MAN1A1: variants seen among roughly 807,000 people sequenced by gnomAD.
The protein encoded by MAN1A1 is mannosidase alpha class 1A member 1, also known as mannosyl-oligosaccharide 1,2-alpha-mannosidase IA.
Under a neutral mutation model 70.8 loss-of-function variants are expected in MAN1A1, and 29 were observed. The ratio of observed to expected loss-of-function variants is 0.41; its 90% CI spans 0.31 to 0.56. MAN1A1 has a LOEUF of 0.56. Ranked by LOEUF, MAN1A1 falls within the 20% of genes least tolerant of loss-of-function variation. MAN1A1 has a pLI of 0.29. For missense variants in MAN1A1, 747 were observed against 841.3 expected, an observed-to-expected ratio of 0.89 and a Z score of 1.39; for synonymous variants, 349 against 330.1, an observed-to-expected ratio of 1.06 and a Z score of -0.62.
chr6:119,252,097 T>C (rs1402939915), intron 5 of MAN1A1, among the ~76,000 whole-genome samples: 1 of 152,190 alleles, frequency 6.6e-6, no homozygotes, highest in Non-Finnish European at 1.5e-5. Context: ...ATAACTCCAC[T>C]AGATACGATC....
intron 4 of MAN1A1, among the ~76,000 whole-genome samples, chr6:119,301,070 T>G (rs6934220): frequency 0.38 from 57,147 of 151,708 alleles, 11,176 homozygotes; most frequent in Non-Finnish European, 0.41. Flanking sequence ...TTGTCCACTT[T>G]CAACACACAG....
At chr6:119,333,329 T>C (rs549593026) in intron 2 of MAN1A1, among the ~76,000 whole-genome samples, 2 of 152,160 alleles carry the variant, frequency 1.3e-5, no homozygotes, top group Admixed American at 6.5e-5. Context: ...CCAGTGGTAA[T>C]GTATGGAATT....
intron 5 of MAN1A1, among the ~76,000 whole-genome samples, chr6:119,256,547 T>C (rs1384527574): frequency 6.6e-6 from 1 of 152,040 alleles, no homozygotes; most frequent in African/African-American, 2.4e-5. Context: ...GTTCAGGGCA[T>C]GGATATCACC....
intron 5 of MAN1A1, among the ~76,000 whole-genome samples, chr6:119,252,520 A>C (rs1033262250): frequency 6.6e-6 from 1 of 152,190 alleles, no homozygotes; most frequent in Non-Finnish European, 1.5e-5. Context: ...GTGGCTGGGC[A>C]CGGGGGCTCA....
chr6:119,314,185 G>C (rs893346635), intron 2 of MAN1A1, among the ~76,000 whole-genome samples: 19 of 152,320 alleles, frequency 1.2e-4, no homozygotes, highest in Admixed American at 1.2e-3. Context: ...TTCCCGGACT[G>C]CTCTGGTAGC....
chr6:119,331,570 C>CATATATATAGATATAT (rs1473149807), intron 2 of MAN1A1, among the ~76,000 whole-genome samples: 1 of 117,972 alleles, frequency 8.5e-6, no homozygotes, highest in African/African-American at 3.1e-5. Context: ...ACATATTATG[C>CATATATATAGATATAT]ATATATATAT....
At chr6:119,219,679 A>G (rs758368307) in intron 6 of MAN1A1, among the ~76,000 whole-genome samples, 7 of 152,076 alleles carry the variant, frequency 4.6e-5, no homozygotes, top group Non-Finnish European at 1.0e-4. Context: ...TTGTAACACA[A>G]GTAGTAATGA....
chr6:119,348,816 C>T lies in MAN1A1; in HGVS notation c.250G>A (p.Ala84Thr). The T allele has an allele frequency of 6.9e-7, 1 of 1,455,198 alleles. No homozygotes were observed. Among genetic ancestry groups the T allele is most frequent in the African/African-American group, 1.4e-5 (1 of 69,092 alleles). The allele number at this position is 1,455,198 out of a possible 1,614,324, so 90.1% of individuals were successfully genotyped here. A position where few individuals can be genotyped will look rare whatever the true frequency, so the allele number is the denominator to read the frequency against. The stretch of plus-strand genomic sequence containing the variant: ...GCCCCGGGCCCGGGCTTGTGGTCGG[C>T]GGCCGGCTGCAAGGCGGGGCTGGAG... ...FHSSPALQPA[A>T]DHKPGPGARA... The change falls in exon 2 of 13, where the codon GCC becomes ACC. Residue 84 changes from alanine to threonine, a missense_variant. Transcript: ENST00000368468.
intron 6 of MAN1A1, among the ~76,000 whole-genome samples, chr6:119,234,928 T>C (rs1423344120): frequency 6.6e-6 from 1 of 152,202 alleles, no homozygotes; most frequent in East Asian, 1.9e-4. Context: ...TCTTCCAACA[T>C]TACAGACTTT....
chr6:119,300,257 TTTTG>T (rs1246593378), intron 4 of MAN1A1, among the ~76,000 whole-genome samples: 3 of 150,912 alleles, frequency 2.0e-5, no homozygotes, highest in East Asian at 3.9e-4. Flanking sequence ...TTTGTTTTGT[TTTTG>T]TTTTTTTTTT....
chr6:119,220,404 A>G (rs533720425), intron 6 of MAN1A1, among the ~76,000 whole-genome samples: 3 of 152,344 alleles, frequency 2.0e-5, no homozygotes, highest in East Asian at 1.9e-4. Context: ...GTATCCTTTT[A>G]TATGTAAAAT....
chr6:119,232,321 C>T (rs377134818), intron 6 of MAN1A1, among the ~76,000 whole-genome samples: 1 of 132,840 alleles, frequency 7.5e-6, no homozygotes, highest in African/African-American at 2.8e-5. Context: ...TGCAGTGAGC[C>T]AAGATTACAC....
chr6:119,320,139 A>C (rs948453678), intron 2 of MAN1A1, among the ~76,000 whole-genome samples: 1 of 152,026 alleles, frequency 6.6e-6, no homozygotes, highest in Admixed American at 6.5e-5. Flanking sequence ...ACGCCTGGCT[A>C]ATTTTTGTAT....
intron 6 of MAN1A1, among the ~76,000 whole-genome samples, chr6:119,216,157 G>A (rs972025465): frequency 4.6e-5 from 7 of 152,166 alleles, no homozygotes; most frequent in Non-Finnish European, 7.3e-5. Context: ...CAGATCAAGC[G>A]TTTCAATTTA....
intron 5 of MAN1A1, among the ~76,000 whole-genome samples, chr6:119,250,565 G>A (rs528526386): frequency 6.6e-6 from 1 of 152,176 alleles, no homozygotes; most frequent in South Asian, 2.1e-4. Context: ...AATGATAATG[G>A]TATTTCCTCA....
rs548073149 is a variant in MAN1A1, at chr6:119,199,929, CAAAAAAGAAAA to C, written c.1210+1314_1210+1324del. Among the ~76,000 whole-genome samples the C allele has an allele frequency of 1.4e-3, 201 of 144,304 alleles. 1 individual carries two copies. Among genetic ancestry groups the C allele is most frequent in the Middle Eastern group, 3.5e-3 (1 of 284 alleles). 94.7% of individuals were successfully genotyped at this position (144,304 alleles called of 152,430 possible). A position where few individuals can be genotyped will look rare whatever the true frequency, so the allele number is the denominator to read the frequency against. ...GGTGACACAGTGGGACCCTGTCCCA[CAAAAAAGAAAA>C]AAAAAAGAAAAAATATGAATATTAG... On this transcript the variant is annotated intron_variant, in intron 8 of 12. Coordinates refer to ENST00000368468, the MANE Select transcript of MAN1A1 (RefSeq NM_005907.4).
intron 6 of MAN1A1, among the ~76,000 whole-genome samples, chr6:119,224,988 A>G (rs1171739018): frequency 1.3e-5 from 2 of 151,960 alleles, no homozygotes; most frequent in African/African-American, 2.4e-5. Context: ...TTAGCCGGGC[A>G]TGGTGGTGCA....
Position 119,275,614 on chromosome 6 carries a change from T to C in MAN1A1, c.897+15069A>G, listed in dbSNP as rs556487144. On this transcript the variant is annotated intron_variant, in intron 5 of 12. Transcript: ENST00000368468. Reference sequence around the variant, plus strand: ...AGCCACCGCGCCCGGCCTAATTTTTTTATTTTTAGTAGAGACGGGGTTTCA... The same window carrying C: ...AGCCACCGCGCCCGGCCTAATTTTTCTATTTTTAGTAGAGACGGGGTTTCA... Among the ~76,000 whole-genome samples, 27 of 150,904 alleles carry C rather than the reference T, an allele frequency of 1.8e-4. No individual in the cohort carries two copies. The South Asian group carries it at 5.7e-3, about 32-fold the overall frequency.
chr6:119,348,333 C>T, intron 2 of MAN1A1, 130 bp downstream of exon 2: 1 of 884,924 alleles, frequency 1.1e-6, no homozygotes, highest in Non-Finnish European at 1.7e-6. Flanking sequence ...TGACACAGCA[C>T]CTGGTGGAAG....
Sources: gnomAD v4.1 joint callset for allele counts (sites outside exome capture counted in the v4.1 genomes callset) on GRCh38, gnomAD v4.1.1 for gene constraint, MANE v1.5 for transcripts, NCBI Gene and HGNC (gene_info 2026-07-23, HGNC 2026-07-21) for gene names.